The following PVALEF variants were observed in gnomAD, a reference collection of about 807,000 sequenced individuals.
PVALEF encodes parvalbumin like EF-hand containing, also known as parvalbumin-like EF-hand-containing protein.
A neutral mutation model predicts 1.2 loss-of-function variants in PVALEF; 2 were observed. The observed-to-expected ratio is 1.68, with a 90% CI of 0.69 to 5.28. The LOEUF is 5.28. Among genes scored for constraint, PVALEF ranks in the 30% most tolerant of loss-of-function variants. PVALEF has a pLI of 0.06. For synonymous variants in PVALEF, 16 were observed against 6.5 expected, an observed-to-expected ratio of 2.47 and a Z score of -2.24; for missense variants, 35 against 17.7, an observed-to-expected ratio of 1.97 and a Z score of -1.75.
At position 81,181,285 on chromosome 17, in the gene PVALEF, T is replaced by C. The variant is rs763237153; in HGVS notation, c.59T>C (p.Leu20Pro). The C allele has an allele frequency of 5.7e-6, 4 of 700,648 alleles. No individual in the cohort carries two copies. The South Asian group carries it at 6.0e-5, about 10-fold the overall frequency. 43.4% of individuals were successfully genotyped at this position (700,648 alleles called of 1,614,324 possible). A position where few individuals can be genotyped will look rare whatever the true frequency, so the allele number is the denominator to read the frequency against. Reference protein sequence around the residue: ...KKMALAMGTSLSDKDIELLPT... With the variant: ...KKMALAMGTSPSDKDIELLPT... Reference sequence around the variant, plus strand: ...ATGGCCTTGGCCATGGGCACGTCCCTATCAGACAAGGACATTGAGCTGCTG... The same window carrying C: ...ATGGCCTTGGCCATGGGCACGTCCCCATCAGACAAGGACATTGAGCTGCTG... The change falls in exon 4 of 7, where the codon CTA becomes CCA. Residue 20 changes from leucine to proline, a missense_variant. Transcript: ENST00000637878.
intron 3 of PVALEF, among the ~76,000 whole-genome samples, chr17:81,180,606 C>T (rs1308609008): frequency 6.6e-6 from 1 of 152,184 alleles, no homozygotes; most frequent in East Asian, 1.9e-4. Flanking sequence ...CAGGCGTCTC[C>T]CCACATCACA....
At chr17:81,166,119 G>A (rs2061488020) in intron 1 of PVALEF, 2 of 440,800 alleles carry the variant, frequency 4.5e-6, no homozygotes, top group South Asian at 1.8e-4. Context: ...CCCGCGCCCC[G>A]CGCCCCCCGC....
At position 81,165,612 on chromosome 17, in the gene PVALEF, AG is replaced by A; in HGVS notation, c.-640del. 1 of 1,423,092 alleles carries A rather than the reference AG, an allele frequency of 7.0e-7. No individual in the cohort carries two copies. The highest frequency in any genetic ancestry group is 9.3e-7 in the Non-Finnish European group (1 of 1,073,592). 88.2% of individuals were successfully genotyped at this position (1,423,092 alleles called of 1,614,324 possible). On this transcript the variant is annotated 5_prime_UTR_variant, in exon 1 of 7. It introduces an in-frame stop codon into an upstream open reading frame of the 5' UTR. Coordinates refer to ENST00000637878, the MANE Select transcript of PVALEF (RefSeq NM_001354639.2). The stretch of plus-strand genomic sequence containing the variant: ...CTGGCTGACACCCCCCACACCCCCA[AG>A]GGCCCTTAGTCTGAGACCAACTCTC...
chr17:81,175,383 CAA>C (rs1220041397), intron 2 of PVALEF, among the ~76,000 whole-genome samples: 2 of 152,156 alleles, frequency 1.3e-5, no homozygotes, highest in Non-Finnish European at 2.9e-5. Context: ...TCTACAGAGT[CAA>C]CACAATCCCT....
intron 6 of PVALEF, among the ~76,000 whole-genome samples, 151 bp downstream of exon 6, chr17:81,182,232 C>T (rs1247472832): frequency 1.3e-5 from 2 of 152,252 alleles, no homozygotes; most frequent in African/African-American, 4.8e-5. Flanking sequence ...TCTAGGTGCT[C>T]TTCCCTGGGC....
chr17:81,172,778 C>T (rs1396342847), intron 2 of PVALEF, among the ~76,000 whole-genome samples: 1 of 151,980 alleles, frequency 6.6e-6, no homozygotes, highest in Non-Finnish European at 1.5e-5. Flanking sequence ...CAAAACAAAA[C>T]AAAACAAAAA....
At chr17:81,172,657 G>C (rs2061524529) in intron 2 of PVALEF, among the ~76,000 whole-genome samples, 1 of 152,126 alleles carries the variant, frequency 6.6e-6, no homozygotes, top group Admixed American at 6.5e-5. Flanking sequence ...CTACCTGGGA[G>C]GCTGAGGCAG....
chr17:81,179,791 C>T (rs1036415404), intron 3 of PVALEF, among the ~76,000 whole-genome samples: 1 of 152,196 alleles, frequency 6.6e-6, no homozygotes, highest in Admixed American at 6.5e-5. Context: ...CGGAGCAGGG[C>T]ATCCCAGATG....
At chr17:81,168,065 C>T (rs573472270) in intron 2 of PVALEF, among the ~76,000 whole-genome samples, 10 of 152,310 alleles carry the variant, frequency 6.6e-5, no homozygotes, top group Admixed American at 1.3e-4. Flanking sequence ...CTCCCCTCCC[C>T]AGCTCAGGAG....
Position 81,181,637 on chromosome 17 carries a change from C to T in PVALEF, c.185C>T (p.Thr62Met), listed in dbSNP as rs79963994. The T allele has an allele frequency of 9.7e-3, 4,019 of 415,358 alleles. 173 individuals are homozygous for T. Among genetic ancestry groups the T allele is most frequent in the African/African-American group, 0.075 (3,675 of 49,104 alleles). 25.7% of individuals were successfully genotyped at this position (415,358 alleles called of 1,614,324 possible). The change falls in exon 5 of 7, where the codon ACG becomes ATG. Residue 62 changes from threonine (T) to methionine (M), a missense_variant. Transcript: ENST00000637878. ...ASGQLDDAIH[T>M]AFQSLDKDKS... ...GGCCAGCTGGACGACGCCATCCACA[C>T]GGCCTTCCAGTCCCTGGACAAGGAC... is the stretch of plus-strand genomic sequence containing the variant.
chr17:81,182,865 C>A, intron 6 of PVALEF, 100 bp from the exon 7 acceptor site: 1 of 397,152 alleles, frequency 2.5e-6, no homozygotes, highest in South Asian at 1.3e-4. Flanking sequence ...ACTGTGTAGT[C>A]CAGGCACACT....
intron 2 of PVALEF, among the ~76,000 whole-genome samples, chr17:81,170,124 ATG>A (rs201891819): frequency 3.4e-4 from 49 of 144,124 alleles, no homozygotes; most frequent in African/African-American, 9.3e-4. Flanking sequence ...ATGTGTAGGC[ATG>A]TGTGTGTTGG....
Position 81,181,140 on chromosome 17 carries a change from C to T in PVALEF, c.-87C>T, listed in dbSNP as rs754215122. The T allele has an allele frequency of 6.3e-5, 43 of 686,596 alleles. No homozygotes were observed. The highest frequency in any genetic ancestry group is 4.7e-4 in the South Asian group (30 of 63,384). 42.5% of individuals were successfully genotyped at this position (686,596 alleles called of 1,614,324 possible). A position where few individuals can be genotyped will look rare whatever the true frequency, so the allele number is the denominator to read the frequency against. On this transcript the variant is annotated 5_prime_UTR_variant, in exon 4 of 7. Coordinates refer to ENST00000637878, the MANE Select transcript of PVALEF (RefSeq NM_001354639.2). ...CTTTACAGCAGGATCCAGCACCACG[C>T]GGCGTCTACGTCTGCTCTGGCCCAA...
At chr17:81,178,011 T>C (rs775790099) in intron 2 of PVALEF, among the ~76,000 whole-genome samples, 5 of 152,152 alleles carry the variant, frequency 3.3e-5, no homozygotes, top group African/African-American at 4.8e-5. Context: ...GGCCCTGACC[T>C]CTACACCTGG....
intron 2 of PVALEF, among the ~76,000 whole-genome samples, chr17:81,177,162 G>C (rs1358964480): frequency 6.7e-6 from 1 of 148,274 alleles, no homozygotes; most frequent in Non-Finnish European, 1.5e-5. Flanking sequence ...CCTGATCTCA[G>C]GTGATCCACT....
Position 81,166,693 on chromosome 17 carries a change from C to T in PVALEF, c.-491C>T. ...CACTTGCAGGTTTCGAGGCGGCTGGCAGCCGCCCCCCCACCCCATGCCCTT... is the reference window on the plus strand; with the variant it reads ...CACTTGCAGGTTTCGAGGCGGCTGGTAGCCGCCCCCCCACCCCATGCCCTT... On this transcript the variant is annotated 5_prime_UTR_variant, in exon 2 of 7. Transcript: ENST00000637878. The T allele has an allele frequency of 2.2e-6, 1 of 453,984 alleles. No individual in the cohort carries two copies. The highest frequency in any genetic ancestry group is 4.4e-6 in the Non-Finnish European group (1 of 226,674). The allele number at this position is 453,984 out of a possible 1,614,324, so 28.1% of individuals were successfully genotyped here.
chr17:81,174,740 G>A (rs899106275), intron 2 of PVALEF, among the ~76,000 whole-genome samples: 6 of 152,178 alleles, frequency 3.9e-5, no homozygotes, highest in African/African-American at 1.2e-4. Flanking sequence ...ACAAGGTCAG[G>A]AGATTGAGAC....
At chr17:81,166,053 C>G in intron 1 of PVALEF, 1 of 1,193,764 alleles carries the variant, frequency 8.4e-7, no homozygotes, top group Non-Finnish European at 1.1e-6. Context: ...GCCCGCGGCC[C>G]CGGCCCGAGC....
chr17:81,166,953 G>A (rs980830670), intron 2 of PVALEF, 109 bp downstream of exon 2: 10 of 317,828 alleles, frequency 3.1e-5, no homozygotes, highest in East Asian at 1.0e-4. Flanking sequence ...GGGTTGGGGC[G>A]GGGCAGGGTC....
Sources: gnomAD v4.1 joint callset for allele counts (sites outside exome capture counted in the v4.1 genomes callset) on GRCh38, gnomAD v4.1.1 for gene constraint, MANE v1.5 for transcripts, NCBI Gene and HGNC (gene_info 2026-07-23, HGNC 2026-07-21) for gene names.